Variants in PPHLN1 observed in about 807,000 individuals in gnomAD.
PPHLN1 encodes the protein periphilin 1.
A neutral mutation model predicts 51.3 loss-of-function variants in PPHLN1; 29 were observed. The ratio of observed to expected loss-of-function variants is 0.57; its 90% CI spans 0.42 to 0.77. The LOEUF (loss-of-function observed/expected upper bound fraction) is 0.77, where lower values mean the gene tolerates loss of function less well. Ranked by LOEUF, PPHLN1 falls within the 30% of genes least tolerant of loss-of-function variation. The pLI is 0.00. For missense variants in PPHLN1, 436 were observed against 438.4 expected, an observed-to-expected ratio of 0.99 and a Z score of 0.05; for synonymous variants, 147 against 147.8, an observed-to-expected ratio of 0.99 and a Z score of 0.04.
chr12:42,417,696 G>A (rs1204773116), intron 9 of PPHLN1, among the ~76,000 whole-genome samples: 1 of 142,160 alleles, frequency 7.0e-6, no homozygotes, highest in East Asian at 2.1e-4. Flanking sequence ...AGGTGGTGAA[G>A]ATGATGATTT....
At chr12:42,405,177 T>G (rs2079182917) in intron 9 of PPHLN1, among the ~76,000 whole-genome samples, 1 of 152,244 alleles carries the variant, frequency 6.6e-6, no homozygotes, top group Admixed American at 6.5e-5. Context: ...TAATGTTTCC[T>G]CCTTAGAATT....
chr12:42,375,114 C>T lies in PPHLN1; in HGVS notation c.511+40C>T, dbSNP rs1304024271. The T allele has an allele frequency of 3.5e-6, 5 of 1,425,668 alleles. No individual in the cohort carries two copies. The African/African-American group carries it at 4.3e-5, about 12-fold the overall frequency. The allele number at this position is 1,425,668 out of a possible 1,614,324, so 88.3% of individuals were successfully genotyped here. On this transcript the variant is annotated intron_variant, in intron 5 of 9. Transcript: ENST00000358314. ...ACTTTATTTTTTTCTCTCACAGTCT[C>T]CTCTGATGAGAATGTACTGAGTCAG...
chr12:42,429,918 T>C (rs1199017119), intron 9 of PPHLN1, among the ~76,000 whole-genome samples: 1 of 152,258 alleles, frequency 6.6e-6, no homozygotes, highest in Non-Finnish European at 1.5e-5. Flanking sequence ...TTTTGTCACT[T>C]ATCTTTCCAT....
downstream of PPHLN1, chr12:42,446,312 T>C: frequency 1.3e-6 from 2 of 1,551,448 alleles, no homozygotes; most frequent in Non-Finnish European, 1.7e-6. Context: ...TTTTATTCTC[T>C]CACTTTGCCT....
rs1592866629 is a variant in PPHLN1, at chr12:42,417,074, G to T, written c.909+18080G>T. Among the ~76,000 whole-genome samples the T allele has an allele frequency of 2.6e-5, 4 of 152,270 alleles. 1 individual carries two copies. The highest frequency in any genetic ancestry group is 2.6e-4 in the Admixed American group (4 of 15,296). On this transcript the variant is annotated intron_variant, in intron 9 of 9. Coordinates refer to ENST00000358314, the MANE Select transcript of PPHLN1 (RefSeq NM_201439.2). ...ACTTTTTGAGGGAGGGATAATGAGAGCCTAAGTTAAATTGGTAGAGTCTGA... is the reference window on the plus strand; with the variant it reads ...ACTTTTTGAGGGAGGGATAATGAGATCCTAAGTTAAATTGGTAGAGTCTGA...
chr12:42,349,169 T>G (rs1270347809), intron 2 of PPHLN1, among the ~76,000 whole-genome samples: 2 of 152,340 alleles, frequency 1.3e-5, no homozygotes, highest in Non-Finnish European at 2.9e-5. Flanking sequence ...GGAAACAGTT[T>G]GAGATACTTA....
chr12:42,406,384 T>C (rs1442733433), intron 9 of PPHLN1, among the ~76,000 whole-genome samples: 1 of 152,198 alleles, frequency 6.6e-6, no homozygotes, highest in African/African-American at 2.4e-5. Context: ...CCGGCCTCTG[T>C]TTTTGAACTT....
intron 7 of PPHLN1, among the ~76,000 whole-genome samples, chr12:42,391,382 G>A (rs949575413): frequency 2.0e-5 from 3 of 152,074 alleles, no homozygotes; most frequent in Non-Finnish European, 2.9e-5. Context: ...GGGATTACAG[G>A]CGCCTGCCAC....
At chr12:42,424,916 A>G (rs146520183) in intron 9 of PPHLN1, among the ~76,000 whole-genome samples, 178 of 152,304 alleles carry the variant, frequency 1.2e-3, no homozygotes, top group African/African-American at 4.2e-3. Context: ...GCATAATAAC[A>G]CGTGTAGTAA....
At chr12:42,337,211 C>T (rs2070781553) in intron 2 of PPHLN1, among the ~76,000 whole-genome samples, 1 of 150,306 alleles carries the variant, frequency 6.7e-6, no homozygotes, top group Non-Finnish European at 1.5e-5. Flanking sequence ...TCCCCTCTGC[C>T]ACTCTGCCAA....
intron 9 of PPHLN1, among the ~76,000 whole-genome samples, chr12:42,430,129 C>T (rs1302234641): frequency 6.6e-6 from 1 of 152,130 alleles, no homozygotes; most frequent in Non-Finnish European, 1.5e-5. Flanking sequence ...TCAGCCTACC[C>T]CCTTGACCTC....
chr12:42,365,502 C>T (rs1244996655), intron 4 of PPHLN1, among the ~76,000 whole-genome samples: 3 of 152,134 alleles, frequency 2.0e-5, no homozygotes, highest in Non-Finnish European at 4.4e-5. Flanking sequence ...GGTTCTATCA[C>T]CGCTTACCTG....
intron 7 of PPHLN1, among the ~76,000 whole-genome samples, chr12:42,388,144 C>T (rs2077352830): frequency 6.6e-6 from 1 of 152,150 alleles, no homozygotes; most frequent in Admixed American, 6.6e-5. Context: ...CGTAAAGGGT[C>T]TGTGCTGAGG....
At chr12:42,350,389 C>G in intron 2 of PPHLN1, 1 of 161,566 alleles carries the variant, frequency 6.2e-6, no homozygotes, top group Non-Finnish European at 1.3e-5. Context: ...AGAGGGGCTC[C>G]TCACATCCCA....
At chr12:42,339,208 T>C (rs988452000) in intron 2 of PPHLN1, among the ~76,000 whole-genome samples, 4 of 152,210 alleles carry the variant, frequency 2.6e-5, no homozygotes, top group Non-Finnish European at 5.9e-5. Flanking sequence ...TTTTTCTCTT[T>C]TTGAGAGCAC....
At chr12:42,389,621 G>A (rs1385693342) in intron 7 of PPHLN1, among the ~76,000 whole-genome samples, 1 of 152,132 alleles carries the variant, frequency 6.6e-6, no homozygotes, top group Non-Finnish European at 1.5e-5. Context: ...ATAGCAACCC[G>A]AGTTTCTATG....
chr12:42,383,983 C>CAAAAAAAAAAAA (rs61016692), intron 5 of PPHLN1, among the ~76,000 whole-genome samples: 3 of 51,610 alleles, frequency 5.8e-5, no homozygotes, highest in Admixed American at 2.6e-4. Flanking sequence ...GACTGTGTCT[C>CAAAAAAAAAAAA]AAAAAAAAAA....
chr12:42,372,771 C>T (rs924509843), intron 4 of PPHLN1, among the ~76,000 whole-genome samples: 3 of 152,094 alleles, frequency 2.0e-5, no homozygotes, highest in African/African-American at 7.2e-5. Flanking sequence ...TAGTTGCTTA[C>T]CTAGATATTA....
chr12:42,433,124 G>T (rs1367751149), intron 9 of PPHLN1: 2 of 775,164 alleles, frequency 2.6e-6, no homozygotes, highest in Admixed American at 3.5e-5. Context: ...CTATTTCATT[G>T]TAAGTAGCGT....
Sources: gnomAD v4.1 joint callset for allele counts (sites outside exome capture counted in the v4.1 genomes callset) on GRCh38, gnomAD v4.1.1 for gene constraint, MANE v1.5 for transcripts, NCBI Gene and HGNC (gene_info 2026-07-23, HGNC 2026-07-21) for gene names.